Variants in DLG2 observed in about 807,000 individuals in gnomAD.
DLG2 encodes the protein disks large homolog 2.
DLG2 carries 45 observed loss-of-function variants against 132.5 expected under a neutral mutation model. The observed-to-expected ratio is 0.34, with a 90% CI of 0.27 to 0.44. The LOEUF (loss-of-function observed/expected upper bound fraction) is 0.44. Among genes scored for constraint, DLG2 ranks in the 20% least tolerant of loss-of-function variants. The pLI, the probability that DLG2 is intolerant of heterozygous loss-of-function variation, is 1.00. For synonymous variants in DLG2, 424 were observed against 419.6 expected, an observed-to-expected ratio of 1.01 and a Z score of -0.13; for missense variants, 1,045 against 1,196.9, an observed-to-expected ratio of 0.87 and a Z score of 1.87.
At chr11:84,176,381 TATATAAC>T (rs1462627315) in intron 8 of DLG2, among the ~76,000 whole-genome samples, 3 of 149,400 alleles carry the variant, frequency 2.0e-5, no homozygotes, top group South Asian at 2.1e-4. Context: ...GCATATTTCA[TATATAAC>T]ATATAAGCTT....
intron 3 of DLG2, among the ~76,000 whole-genome samples, chr11:85,435,037 A>G (rs1484159258): frequency 6.6e-6 from 1 of 152,248 alleles, no homozygotes; most frequent in Non-Finnish European, 1.5e-5. Context: ...CAATAAATGT[A>G]ATCCATCACA....
rs547216564 is a variant in DLG2 at position 85,465,591 on chromosome 11, T to G, written c.40+133066A>C. Among the ~76,000 whole-genome samples the G allele has an allele frequency of 1.3e-5, 2 of 152,044 alleles. 1 individual carries two copies. The highest frequency in any genetic ancestry group is 4.1e-4 in the South Asian group (2 of 4,820). On this transcript the variant is annotated intron_variant, in intron 3 of 27. Coordinates refer to ENST00000376104, the MANE Select transcript of DLG2 (RefSeq NM_001142699.3). ...TGTCCTTGCGATAGTTTGCTGAGAG[T>G]GATGGTTTCCAGCTTCATCCATGTC...
chr11:85,040,391 G>A (rs1158735093), intron 6 of DLG2, among the ~76,000 whole-genome samples: 1 of 151,916 alleles, frequency 6.6e-6, no homozygotes, highest in Non-Finnish European at 1.5e-5. Flanking sequence ...TGAAATACAA[G>A]TCACATTTGA....
intron 4 of DLG2, among the ~76,000 whole-genome samples, chr11:85,269,661 T>C (rs991594674): frequency 6.6e-6 from 1 of 152,158 alleles, no homozygotes; most frequent in South Asian, 2.1e-4. Flanking sequence ...CACAATAGTG[T>C]TAATGTTAGG....
At chr11:84,583,805 G>GTGT (rs1170870643) in intron 6 of DLG2, among the ~76,000 whole-genome samples, 1 of 151,954 alleles carries the variant, frequency 6.6e-6, no homozygotes, top group East Asian at 1.9e-4. Flanking sequence ...CTTCATAAAA[G>GTGT]TGTTATCATA....
chr11:84,541,261 G>A (rs947435685), intron 6 of DLG2, among the ~76,000 whole-genome samples: 2 of 151,808 alleles, frequency 1.3e-5, no homozygotes, highest in Non-Finnish European at 2.9e-5. Flanking sequence ...AGCTCTAAGG[G>A]GAGTAGAGGC....
intron 7 of DLG2, among the ~76,000 whole-genome samples, chr11:84,321,818 T>G (rs1567286385): frequency 6.6e-6 from 1 of 152,200 alleles, no homozygotes; most frequent in Non-Finnish European, 1.5e-5. Context: ...TTCTGGTGTC[T>G]TCCCTGTCCT....
At chr11:84,284,376 T>C (rs978214957) in intron 7 of DLG2, among the ~76,000 whole-genome samples, 1 of 152,230 alleles carries the variant, frequency 6.6e-6, no homozygotes, top group African/African-American at 2.4e-5. Flanking sequence ...CTGTGGTGTA[T>C]TGAAGTCCAT....
At chr11:83,583,258 A>G (rs891591854) in intron 19 of DLG2, among the ~76,000 whole-genome samples, 4 of 152,314 alleles carry the variant, frequency 2.6e-5, no homozygotes, top group South Asian at 4.1e-4. Context: ...TTCCTCTGTA[A>G]TCTTTAATCA....
At chr11:83,861,982 A>G (rs1395044995) in intron 16 of DLG2, among the ~76,000 whole-genome samples, 1 of 152,180 alleles carries the variant, frequency 6.6e-6, no homozygotes, top group African/African-American at 2.4e-5. Flanking sequence ...CATCTCATGT[A>G]CCCCATAAAT....
chr11:83,877,513 T>C (rs2065063664), intron 15 of DLG2, among the ~76,000 whole-genome samples: 1 of 152,188 alleles, frequency 6.6e-6, no homozygotes, highest in Admixed American at 6.6e-5. Flanking sequence ...TATCATTACC[T>C]TATAACTAAT....
intron 10 of DLG2, among the ~76,000 whole-genome samples, chr11:84,083,502 C>T (rs181989154): frequency 1.2e-4 from 19 of 152,278 alleles, no homozygotes; most frequent in African/African-American, 4.1e-4. Flanking sequence ...CCCAATGCAA[C>T]AGTGTTGGGA....
At chr11:84,759,534 T>C (rs1166036301) in intron 6 of DLG2, among the ~76,000 whole-genome samples, 1 of 152,232 alleles carries the variant, frequency 6.6e-6, no homozygotes. Flanking sequence ...ATCTATCTTC[T>C]TTCATTTAAA....
intron 21 of DLG2, 145 bp downstream of exon 21, chr11:83,532,560 CATT>C: frequency 1.5e-6 from 1 of 652,966 alleles, no homozygotes; most frequent in Non-Finnish European, 2.6e-6. Flanking sequence ...TCAGAAATCA[CATT>C]ATTAACTTCA....
intron 18 of DLG2, among the ~76,000 whole-genome samples, chr11:83,718,514 AACTC>A (rs1436727290): frequency 7.0e-6 from 1 of 142,366 alleles, no homozygotes. Flanking sequence ...ATAAGAGTGA[AACTC>A]CATCTCAAAA....
chr11:84,878,040 A>G (rs929723294), intron 6 of DLG2, among the ~76,000 whole-genome samples: 1 of 152,210 alleles, frequency 6.6e-6, no homozygotes, highest in African/African-American at 2.4e-5. Context: ...GAGAATGGCA[A>G]TCATTAAAAA....
intron 8 of DLG2, among the ~76,000 whole-genome samples, chr11:84,185,702 G>C (rs2096262697): frequency 6.6e-6 from 1 of 152,180 alleles, no homozygotes; most frequent in South Asian, 2.1e-4. Context: ...GATATTGGCT[G>C]TGGGTTTGTC....
chr11:84,296,465 C>T (rs1251985914), intron 7 of DLG2, among the ~76,000 whole-genome samples: 4 of 152,068 alleles, frequency 2.6e-5, no homozygotes, highest in African/African-American at 9.7e-5. Context: ...GAGTTGGGGT[C>T]TTGCCTGTAA....
chr11:84,558,321 GGTCT>G (rs556112690), intron 6 of DLG2, among the ~76,000 whole-genome samples: 1 of 152,064 alleles, frequency 6.6e-6, no homozygotes, highest in South Asian at 2.1e-4. Flanking sequence ...GCTCAACTCT[GGTCT>G]GGGTGAACTT....
Sources: gnomAD v4.1 joint callset for allele counts (sites outside exome capture counted in the v4.1 genomes callset) on GRCh38, gnomAD v4.1.1 for gene constraint, MANE v1.5 for transcripts, NCBI Gene and HGNC (gene_info 2026-07-23, HGNC 2026-07-21) for gene names.